Variants in AKAP10 observed in about 807,000 individuals in gnomAD.
AKAP10 encodes the protein A-kinase anchor protein 10, mitochondrial.
In AKAP10, 24 loss-of-function variants were observed where a neutral mutation model predicts 80.8. That is an observed-to-expected ratio of 0.30 (90% CI 0.22 to 0.42). The LOEUF (loss-of-function observed/expected upper bound fraction) is 0.42. Among genes scored for constraint, AKAP10 ranks in the 10% least tolerant of loss-of-function variants. AKAP10 has a pLI of 1.00. For missense variants in AKAP10, 661 were observed against 794.9 expected, an observed-to-expected ratio of 0.83 and a Z score of 2.03; for synonymous variants, 291 against 277.7, an observed-to-expected ratio of 1.05 and a Z score of -0.48.
chr17:19,974,584 G>A (rs2043541968), intron 1 of AKAP10, among the ~76,000 whole-genome samples: 2 of 152,112 alleles, frequency 1.3e-5, no homozygotes, highest in African/African-American at 4.8e-5. Flanking sequence ...AGGATCCAAC[G>A]TAGTGATGTA....
In AKAP10 at chr17:19,906,086, T is replaced by G; in HGVS notation, c.*141A>C. 1.2e-6 allele frequency: 1 copy of G among 864,858 alleles called. No individual in the cohort carries two copies. 53.6% of individuals were successfully genotyped at this position (864,858 alleles called of 1,614,324 possible). A position where few individuals can be genotyped will look rare whatever the true frequency, so the allele number is the denominator to read the frequency against. The stretch of plus-strand genomic sequence containing the variant: ...CTGCATTATGGTGGAAGTCTAGGAT[T>G]GTCTCCCATTCTCTCCTGGAAACAA... On this transcript the variant is annotated 3_prime_UTR_variant, in exon 15 of 15. Coordinates refer to ENST00000225737, the MANE Select transcript of AKAP10 (RefSeq NM_007202.4).
chr17:19,950,865 A>C lies in AKAP10; in HGVS notation c.878-3360T>G, dbSNP rs556810983. On this transcript the variant is annotated intron_variant, in intron 4 of 14. Coordinates refer to ENST00000225737, the MANE Select transcript of AKAP10 (RefSeq NM_007202.4). Reference sequence around the variant, plus strand: ...CTGCCATCCCGTCTAGGAAGTGAGGAGTGTCTCTGCCCGGCAGCCCATCGT... The same window carrying C: ...CTGCCATCCCGTCTAGGAAGTGAGGCGTGTCTCTGCCCGGCAGCCCATCGT... Among the ~76,000 whole-genome samples, 25 of 148,152 alleles carry C rather than the reference A, an allele frequency of 1.7e-4. No individual in the cohort carries two copies. In the East Asian group the frequency reaches 4.9e-3, roughly 29 times the overall value.
rs138573122 is a variant in AKAP10 at position 19,975,784 on chromosome 17, G to C, written c.88+1808C>G. Among the ~76,000 whole-genome samples the C allele has an allele frequency of 7.2e-3, 1,095 of 152,178 alleles. 10 individuals are homozygous for C. The highest frequency in any genetic ancestry group is 0.01 in the Admixed American group (157 of 15,288). On this transcript the variant is annotated intron_variant, in intron 1 of 14. Coordinates refer to ENST00000225737, the MANE Select transcript of AKAP10 (RefSeq NM_007202.4). Reference sequence around the variant, plus strand: ...CCTGGCAGACTCTGGACACTCAAAAGGTATTTGTTGAATAGAGACAACAGT... The same window carrying C: ...CCTGGCAGACTCTGGACACTCAAAACGTATTTGTTGAATAGAGACAACAGT...
Position 19,958,293 on chromosome 17 carries a change from T to C in AKAP10, c.598A>G (p.Thr200Ala). The C allele has an allele frequency of 6.2e-7, 1 of 1,614,208 alleles. No individual in the cohort carries two copies. The highest frequency in any genetic ancestry group is 8.5e-7 in the Non-Finnish European group (1 of 1,180,014). The stretch of plus-strand genomic sequence containing the variant: ...TCCAATCTCTTATCAAGAGAATCAG[T>C]TAAAAAAGACGCTGTAGTTTCATGC... ...KKHETTASFL[T>A]DSLDKRLEDS... is the part of the protein sequence containing the mutation. The change falls in exon 4 of 15, where the codon ACT (threonine) becomes GCT (alanine). Residue 200 changes from threonine to alanine, a missense_variant. Coordinates refer to ENST00000225737, the MANE Select transcript of AKAP10 (RefSeq NM_007202.4).
At chr17:19,909,061 A>G (rs1362277809) in intron 14 of AKAP10, 120 bp downstream of exon 14, 1 of 741,112 alleles carries the variant, frequency 1.3e-6, no homozygotes, top group African/African-American at 1.8e-5. Flanking sequence ...TGCTTATGAT[A>G]AGAAGGTAAT....
chr17:19,913,246 C>T (rs2042710651), intron 12 of AKAP10, among the ~76,000 whole-genome samples: 3 of 151,584 alleles, frequency 2.0e-5, no homozygotes, highest in South Asian at 2.1e-4. Context: ...CTCCGCCTCC[C>T]GGGTTCAAGG....
chr17:19,912,873 T>C (rs143880921), intron 12 of AKAP10, among the ~76,000 whole-genome samples: 30 of 152,236 alleles, frequency 2.0e-4, no homozygotes, highest in African/African-American at 6.7e-4. Flanking sequence ...AAACAAACCA[T>C]TGTCAAGGTG....
intron 12 of AKAP10, among the ~76,000 whole-genome samples, chr17:19,919,554 C>A (rs934778943): frequency 6.6e-6 from 1 of 151,534 alleles, no homozygotes; most frequent in African/African-American, 2.4e-5. Context: ...TGTGGTGGTG[C>A]GCACTTGTAG....
chr17:19,932,672 C>T (rs932185308), intron 9 of AKAP10, among the ~76,000 whole-genome samples: 2 of 152,144 alleles, frequency 1.3e-5, no homozygotes, highest in Admixed American at 1.3e-4. Context: ...CTTAAGATAA[C>T]TCACCAGGCG....
rs182370548 is a variant in AKAP10, at chr17:19,948,440, G to A, written c.878-935C>T. On this transcript the variant is annotated intron_variant, in intron 4 of 14. Coordinates refer to ENST00000225737, the MANE Select transcript of AKAP10 (RefSeq NM_007202.4). ...TGGAGGAAATCCCCTGGGTTGTTTT[G>A]TTTTGTTCCTTTCTCTCCTTCGACT... Among the ~76,000 whole-genome samples the A allele has an allele frequency of 1.5e-3, 230 of 152,210 alleles. 1 individual carries two copies. Among genetic ancestry groups the A allele is most frequent in the Middle Eastern group, 3.4e-3 (1 of 294 alleles).
intron 14 of AKAP10, among the ~76,000 whole-genome samples, chr17:19,908,156 C>A (rs888643222): frequency 2.6e-5 from 4 of 152,104 alleles, no homozygotes; most frequent in Admixed American, 6.5e-5. Flanking sequence ...TGAGCCACTG[C>A]GCCCAGCCTG....
chr17:19,910,785 A>C (rs2042681969), intron 12 of AKAP10, among the ~76,000 whole-genome samples: 1 of 152,132 alleles, frequency 6.6e-6, no homozygotes, highest in Admixed American at 6.5e-5. Flanking sequence ...TCTCTAGTCT[A>C]TATAAACTAG....
intron 9 of AKAP10, among the ~76,000 whole-genome samples, chr17:19,933,717 T>C (rs2042962521): frequency 6.6e-6 from 1 of 152,212 alleles, no homozygotes; most frequent in South Asian, 2.1e-4. Context: ...ATTTGACTTC[T>C]ATATGTCATT....
At chr17:19,922,341 T>C (rs1216024206) in intron 11 of AKAP10, among the ~76,000 whole-genome samples, 1 of 152,250 alleles carries the variant, frequency 6.6e-6, no homozygotes, top group Non-Finnish European at 1.5e-5. Context: ...TACCAACTGA[T>C]ACAAATTTAC....
At chr17:19,951,295 G>A (rs1350747273) in intron 4 of AKAP10, among the ~76,000 whole-genome samples, 15 of 113,572 alleles carry the variant, frequency 1.3e-4, no homozygotes, top group Admixed American at 1.1e-3. Context: ...GCCTCCGCCC[G>A]GCCACTGCCC....
At chr17:19,932,711 AAT>A (rs756924131) in intron 9 of AKAP10, among the ~76,000 whole-genome samples, 4 of 152,074 alleles carry the variant, frequency 2.6e-5, no homozygotes, top group African/African-American at 9.7e-5. Context: ...TTTTAACTTT[AAT>A]ATATATGGTC....
In AKAP10 at chr17:19,936,611, G is replaced by C. The variant is rs183429219; in HGVS notation, c.1323-181C>G. 3.3e-3 allele frequency among the ~76,000 whole-genome samples: 506 copies of C among 152,310 alleles called. 4 individuals are homozygous for C. The highest frequency in any genetic ancestry group is 0.012 in the African/African-American group (479 of 41,568). On this transcript the variant is annotated intron_variant, in intron 8 of 14. Coordinates refer to ENST00000225737, the MANE Select transcript of AKAP10 (RefSeq NM_007202.4). ...CTTTGTTCCCACTTCCCCAGAGATA[G>C]TTGGGTCAACTTGCTACCTTTCTAT...
At chr17:19,946,383 G>C (rs749900231) in intron 5 of AKAP10, among the ~76,000 whole-genome samples, 43 of 138,508 alleles carry the variant, frequency 3.1e-4, no homozygotes, top group Admixed American at 1.2e-3. Context: ...TAAGGTATGT[G>C]AGGGTCTAGT....
chr17:19,951,081 C>T lies in AKAP10; in HGVS notation c.878-3576G>A, dbSNP rs1345709466. On this transcript the variant is annotated intron_variant, in intron 4 of 14. Coordinates refer to ENST00000225737, the MANE Select transcript of AKAP10 (RefSeq NM_007202.4). The stretch of plus-strand genomic sequence containing the variant: ...GGAGCCCCTCCGCCCGGCAGCCGCC[C>T]GGTCTGCGAAGTGAGGAGCCCCTCA... 2.1e-5 allele frequency among the ~76,000 whole-genome samples: 3 copies of T among 145,412 alleles called. No homozygotes were observed. In the South Asian group the frequency reaches 6.6e-4, roughly 32 times the overall value.
Sources: allele counts gnomAD v4.1 joint callset (sites outside exome capture counted in the v4.1 genomes callset), GRCh38; gene constraint gnomAD v4.1.1; transcripts MANE v1.5; gene names NCBI Gene and HGNC (gene_info 2026-07-23, HGNC 2026-07-21).